MARCHF1: variants seen among roughly 807,000 people sequenced by gnomAD.
MARCHF1 encodes membrane associated ring-CH-type finger 1, also known as E3 ubiquitin-protein ligase MARCHF1.
In MARCHF1, 40 loss-of-function variants were observed where a neutral mutation model predicts 54.2. The ratio of observed to expected loss-of-function variants is 0.74; its 90% CI spans 0.57 to 0.96. MARCHF1 has a LOEUF of 0.96. Ranked by LOEUF, MARCHF1 falls within the 40% of genes least tolerant of loss-of-function variation. MARCHF1 has a pLI of 0.00. For synonymous variants in MARCHF1, 236 were observed against 236.3 expected (o/e 1.00, Z 0.01); for missense variants, 586 against 656.5 (o/e 0.89, Z 1.17).
intron 4 of MARCHF1, among the ~76,000 whole-genome samples, chr4:163,792,923 T>C (rs1350679922): frequency 2.0e-5 from 3 of 152,216 alleles, no homozygotes; most frequent in African/African-American, 7.2e-5. Flanking sequence ...TATTGCTTTG[T>C]AACTTTTTGA....
chr4:164,063,815 T>C (rs1754671079), intron 2 of MARCHF1, among the ~76,000 whole-genome samples: 1 of 152,096 alleles, frequency 6.6e-6, no homozygotes, highest in African/African-American at 2.4e-5. Flanking sequence ...AGAATAACTG[T>C]CTTTTTTTTT....
At chr4:163,751,773 T>C (rs985500504) in intron 4 of MARCHF1, among the ~76,000 whole-genome samples, 1 of 151,112 alleles carries the variant, frequency 6.6e-6, no homozygotes, top group Non-Finnish European at 1.5e-5. Flanking sequence ...ATTTAATGTA[T>C]TTCCAATAAA....
chr4:164,298,342 A>G (rs758635482), intron 1 of MARCHF1, among the ~76,000 whole-genome samples: 1 of 152,080 alleles, frequency 6.6e-6, no homozygotes, highest in African/African-American at 2.4e-5. Context: ...ATTAACCTTA[A>G]GTAGCACTTC....
chr4:164,298,922 ATGAT>A (rs1734480307), intron 1 of MARCHF1, among the ~76,000 whole-genome samples: 1 of 152,150 alleles, frequency 6.6e-6, no homozygotes, highest in South Asian at 2.1e-4. Flanking sequence ...ATAGGGTAGT[ATGAT>A]TAATTATTTT....
intron 5 of MARCHF1, among the ~76,000 whole-genome samples, chr4:163,680,996 A>T (rs1744085235): frequency 6.7e-6 from 1 of 149,646 alleles, no homozygotes; most frequent in South Asian, 2.1e-4. Flanking sequence ...GTAATACATT[A>T]TGTAATATTA....
intron 1 of MARCHF1, among the ~76,000 whole-genome samples, chr4:164,211,155 CATAGTAATA>C (rs991544570): frequency 6.6e-6 from 1 of 151,752 alleles, no homozygotes; most frequent in Non-Finnish European, 1.5e-5. Flanking sequence ...GAATGATGAT[CATAGTAATA>C]ATGCACTGTG....
At chr4:163,631,747 T>C (rs984608905) in intron 5 of MARCHF1, among the ~76,000 whole-genome samples, 1 of 152,188 alleles carries the variant, frequency 6.6e-6, no homozygotes, top group African/African-American at 2.4e-5. Flanking sequence ...TGTATGACAT[T>C]GGATTTGGCA....
intron 3 of MARCHF1, among the ~76,000 whole-genome samples, chr4:163,954,829 T>A (rs572889271): frequency 6.6e-6 from 1 of 152,298 alleles, no homozygotes; most frequent in South Asian, 2.1e-4. Context: ...GTAGCCATGC[T>A]TTAAGAGCTA....
chr4:164,149,602 G>C (rs992318213), intron 1 of MARCHF1, among the ~76,000 whole-genome samples: 1 of 151,968 alleles, frequency 6.6e-6, no homozygotes, highest in Admixed American at 6.6e-5. Flanking sequence ...TCCAAAGCTG[G>C]TTCCTTAGCA....
rs909128558 is a variant in MARCHF1, at chr4:163,613,479, T to A, written c.163-86A>T. On this transcript the variant is annotated intron_variant, in intron 5 of 9. Coordinates refer to ENST00000514618, the MANE Select transcript of MARCHF1 (RefSeq NM_001394959.1). ...GCTTTTTTTCCACATATTTAAAAAA[T>A]TACAACAAACGTGGCTGCTGGTCAT... 5.6e-6 allele frequency: 9 copies of A among 1,612,166 alleles called. No homozygotes were observed. In the African/African-American group the frequency reaches 1.1e-4, roughly 19 times the overall value.
chr4:163,823,812 A>AT (rs1375621281), intron 4 of MARCHF1, among the ~76,000 whole-genome samples: 2 of 151,836 alleles, frequency 1.3e-5, no homozygotes, highest in Non-Finnish European at 2.9e-5. Flanking sequence ...CAAGATAGTT[A>AT]TTTTTTTCTA....
At chr4:163,924,879 A>T (rs1033380415) in intron 3 of MARCHF1, among the ~76,000 whole-genome samples, 2 of 151,928 alleles carry the variant, frequency 1.3e-5, no homozygotes, top group Non-Finnish European at 2.9e-5. Context: ...AAATGATTAT[A>T]CAAACTTTAT....
chr4:163,930,143 G>A (rs1334083131), intron 3 of MARCHF1, among the ~76,000 whole-genome samples: 1 of 150,400 alleles, frequency 6.6e-6, no homozygotes, highest in Non-Finnish European at 1.5e-5. Flanking sequence ...TTAACATGGG[G>A]TATTTTTAAG....
chr4:163,782,669 C>A (rs1233935753), intron 4 of MARCHF1, among the ~76,000 whole-genome samples: 556 of 108,218 alleles, frequency 5.1e-3, no homozygotes, highest in South Asian at 6.6e-3. Context: ...ACTCCATCTC[C>A]AAAAAAAAAA....
intron 1 of MARCHF1, chr4:164,383,087 AT>A (rs1283661295): frequency 6.6e-6 from 1 of 152,094 alleles, no homozygotes; most frequent in Admixed American, 6.5e-5. Flanking sequence ...CCCTCACACC[AT>A]TTGGGGATAA....
intron 3 of MARCHF1, among the ~76,000 whole-genome samples, chr4:163,985,578 G>A (rs1282917325): frequency 1.3e-5 from 2 of 152,080 alleles, no homozygotes; most frequent in African/African-American, 4.8e-5. Flanking sequence ...TAACAGGATG[G>A]ATCTTCTGTA....
chr4:164,377,188 T>A (rs1016103559), intron 1 of MARCHF1, among the ~76,000 whole-genome samples: 4 of 115,118 alleles, frequency 3.5e-5, no homozygotes, highest in African/African-American at 1.2e-4. Context: ...GTTCAATCCA[T>A]CCGTCACCAG....
At chr4:164,243,581 T>C (rs1308230430) in intron 1 of MARCHF1, among the ~76,000 whole-genome samples, 1 of 151,728 alleles carries the variant, frequency 6.6e-6, no homozygotes, top group East Asian at 1.9e-4. Flanking sequence ...AACATCATCA[T>C]GACAGGATCA....
At chr4:163,623,812 G>A (rs774209073) in intron 5 of MARCHF1, among the ~76,000 whole-genome samples, 4 of 151,844 alleles carry the variant, frequency 2.6e-5, no homozygotes, top group African/African-American at 9.7e-5. Flanking sequence ...TTATAATCCC[G>A]GGGTGACTTC....
Sources: gnomAD v4.1 joint callset for allele counts (sites outside exome capture counted in the v4.1 genomes callset) on GRCh38, gnomAD v4.1.1 for gene constraint, MANE v1.5 for transcripts, NCBI Gene and HGNC (gene_info 2026-07-23, HGNC 2026-07-21) for gene names.